GREB1: variants seen among roughly 807,000 people sequenced by gnomAD.
GREB1 encodes the protein growth regulating estrogen receptor binding 1.
In GREB1, 106 loss-of-function variants were observed where a neutral mutation model predicts 200.7. That is an observed-to-expected ratio of 0.53 (90% confidence interval 0.45 to 0.62). GREB1 has a LOEUF of 0.62. Ranked by LOEUF, GREB1 falls within the 20% of genes least tolerant of loss-of-function variation. The pLI, the probability that GREB1 is intolerant of heterozygous loss-of-function variation, is 0.00. For synonymous variants in GREB1, 1,132 were observed against 1,092.4 expected (o/e 1.04, Z -0.72); for missense variants, 2,243 against 2,556.8 (o/e 0.88, Z 2.65).
intron 23 of GREB1, among the ~76,000 whole-genome samples, chr2:11,621,629 T>C (rs1372885725): frequency 6.6e-6 from 1 of 152,196 alleles, no homozygotes; most frequent in Non-Finnish European, 1.5e-5. Flanking sequence ...GCTCATAAAC[T>C]TGGTCTGGTC....
At chr2:11,526,486 G>T (rs1673880568) in intron 1 of GREB1, among the ~76,000 whole-genome samples, 1 of 151,546 alleles carries the variant, frequency 6.6e-6, no homozygotes, top group African/African-American at 2.4e-5. Context: ...TACTAATTGT[G>T]ATCTTATTCT....
intron 1 of GREB1, among the ~76,000 whole-genome samples, chr2:11,505,339 G>A (rs1482518266): frequency 6.6e-6 from 1 of 151,990 alleles, no homozygotes; most frequent in Non-Finnish European, 1.5e-5. Flanking sequence ...TCTCCTAATG[G>A]CTCTGCATGC....
chr2:11,585,243 C>T lies in GREB1; in HGVS notation c.984C>T (p.Cys328=). ...CTCCATCAGCTCCAGATGGTGGCTGCCCCCAAGGTGGTGGGAACAGAGCTA... is the reference window on the plus strand; with the variant it reads ...CTCCATCAGCTCCAGATGGTGGCTGTCCCCAAGGTGGTGGGAACAGAGCTA... ...PESPSAPDGG[C]PQGGGNRAKY... Residue 328 remains cysteine (C), a synonymous_variant, in exon 8 of 33, where the codon TGC becomes TGT. Transcript: ENST00000381486. The T allele has an allele frequency of 1.3e-6, 2 of 1,570,074 alleles. No individual in the cohort carries two copies. The highest frequency in any genetic ancestry group is 1.7e-4 in the Middle Eastern group (1 of 5,870).
chr2:11,627,146 C>T (rs1684530362), intron 25 of GREB1, 42 bp downstream of exon 25: 16 of 1,527,128 alleles, frequency 1.0e-5, no homozygotes, highest in South Asian at 1.3e-5. Flanking sequence ...CACCTTGGCT[C>T]ACATTGTCCG....
chr2:11,562,696 C>G, intron 3 of GREB1, 114 bp downstream of exon 3: 1 of 1,271,534 alleles, frequency 7.9e-7, no homozygotes, highest in Non-Finnish European at 1.1e-6. Flanking sequence ...TTTGCTCTTC[C>G]TCTTTGCTTT....
At chr2:11,593,533 C>G (rs971423410) in intron 11 of GREB1, among the ~76,000 whole-genome samples, 2 of 152,228 alleles carry the variant, frequency 1.3e-5, no homozygotes, top group African/African-American at 4.8e-5. Flanking sequence ...GTTGCCCAGG[C>G]TGGAGTGCAG....
intron 13 of GREB1, among the ~76,000 whole-genome samples, chr2:11,596,850 C>G (rs1681305579): frequency 1.0e-5 from 1 of 100,060 alleles, no homozygotes; most frequent in Non-Finnish European, 1.9e-5. Context: ...GGCAGGGTCA[C>G]TGGTGTGTAC....
intron 11 of GREB1, among the ~76,000 whole-genome samples, chr2:11,594,898 G>C (rs1265929771): frequency 6.6e-6 from 1 of 151,604 alleles, no homozygotes; most frequent in Non-Finnish European, 1.5e-5. Context: ...GTTTCACCGT[G>C]TTAGCCAGGA....
intron 1 of GREB1, among the ~76,000 whole-genome samples, chr2:11,484,546 C>T (rs1454909879): frequency 7.3e-6 from 1 of 137,402 alleles, no homozygotes; most frequent in African/African-American, 2.8e-5. Flanking sequence ...GCCAAGAGTT[C>T]GAGACCAGCC....
chr2:11,562,425 G>T, intron 2 of GREB1, 38 bp from the exon 3 acceptor site: 1 of 1,608,920 alleles, frequency 6.2e-7, no homozygotes, highest in Non-Finnish European at 8.5e-7. Flanking sequence ...AGGCCAGACA[G>T]CAGCTGCCTT....
chr2:11,621,273 G>A (rs1207658532), intron 23 of GREB1, among the ~76,000 whole-genome samples: 1 of 152,160 alleles, frequency 6.6e-6, no homozygotes, highest in African/African-American at 2.4e-5. Flanking sequence ...CTTTGCACAA[G>A]TTACCATGTC....
Position 11,618,198 on chromosome 2 carries a change from GTGA to G in GREB1, c.3413-89_3413-87del, listed in dbSNP as rs1558643905. ...CTGGGACAGGTCACTCCTGGGATGG[GTGA>G]CTCCTGGGACAGGTCACTCCTGGGA... On this transcript the variant is annotated intron_variant, in intron 21 of 32. Coordinates refer to ENST00000381486, the MANE Select transcript of GREB1 (RefSeq NM_014668.4). 19 of 1,192,318 alleles carry G rather than the reference GTGA, an allele frequency of 1.6e-5. No individual in the cohort carries two copies. The East Asian group carries it at 1.6e-4, about 10-fold the overall frequency. The allele number at this position is 1,192,318 out of a possible 1,614,324, so 73.9% of individuals were successfully genotyped here.
intron 1 of GREB1, among the ~76,000 whole-genome samples, chr2:11,547,518 A>G (rs1430482054): frequency 6.6e-6 from 1 of 152,150 alleles, no homozygotes; most frequent in African/African-American, 2.4e-5. Context: ...TTCTACTGAG[A>G]TTCCTTATAA....
chr2:11,576,389 G>A lies in GREB1; in HGVS notation c.491G>A (p.Gly164Asp). 2 of 1,613,882 alleles carry A rather than the reference G, an allele frequency of 1.2e-6. No homozygotes were observed. The highest frequency in any genetic ancestry group is 1.7e-6 in the Non-Finnish European group (2 of 1,179,914). Residue 164 changes from glycine to aspartate, a missense_variant, in exon 5 of 33, where the codon GGC (glycine) becomes GAC (aspartate). Gly to Asp is a moderately conservative substitution (Grantham distance 94). Coordinates refer to ENST00000381486, the MANE Select transcript of GREB1 (RefSeq NM_014668.4). The part of the protein sequence containing the change: ...SGNCVGCGKK[G>D]FCYFTEFSNH... ...AATTGTGTTGGCTGTGGAAAGAAAG[G>A]CTTCTGTTACTTCACGGAATTCTCC...
intron 1 of GREB1, among the ~76,000 whole-genome samples, chr2:11,525,496 C>CAAA (rs764748651): frequency 0.016 from 817 of 49,972 alleles, 13 homozygotes; most frequent in African/African-American, 0.049. Context: ...GACTCCATCT[C>CAAA]AAAAAAAAAA....
At chr2:11,595,495 C>T in intron 12 of GREB1, 116 bp downstream of exon 12, 1 of 993,340 alleles carries the variant, frequency 1.0e-6, no homozygotes, top group South Asian at 1.6e-5. Flanking sequence ...GCCTCCACTG[C>T]AGAGTGCCCC....
rs1682872227 is a variant in GREB1 at position 11,611,018 on chromosome 2, G to T, written c.2997G>T (p.Lys999Asn). ...TCACCGTGGGGAAGCACTTCGTAAA[G>T]CAGCTCAGGGTAGGTGCTGTGCGCA... ...SGVTVGKHFV[K>N]QLRMWQKIED... is the part of the protein sequence containing the mutation. The change falls in exon 18 of 33, where the codon AAG becomes AAT. Residue 999 changes from lysine to asparagine, a missense_variant. By Grantham distance (94) the Lys-to-Asn change is moderately conservative. This residue lies in a region of GREB1 where 1,178 missense variants were observed against 1,387.4 expected (regional missense o/e 0.85). Coordinates refer to ENST00000381486, the MANE Select transcript of GREB1 (RefSeq NM_014668.4). 6.3e-7 allele frequency: 1 copy of T among 1,586,216 alleles called. No homozygotes were observed. The highest frequency in any genetic ancestry group is 1.1e-5 in the South Asian group (1 of 87,426).
chr2:11,596,155 C>G lies in GREB1; in HGVS notation c.1870C>G (p.Gln624Glu). Residue 624 changes from glutamine to glutamate, a missense_variant, in exon 13 of 33, where the codon CAA (glutamine) becomes GAA (glutamate). Gln to Glu is a conservative substitution (Grantham distance 29). Around this residue, in one of 3 missense-constraint regions of GREB1, gnomAD observed 1,178 missense variants for 1,387.4 expected, o/e 0.85. Coordinates refer to ENST00000381486, the MANE Select transcript of GREB1 (RefSeq NM_014668.4). The stretch of plus-strand genomic sequence containing the variant: ...GCTGGACAAATTTCACCAGGAAAAT[C>G]AAGGCCATATTTCTTCCTCACTCGC... ...ILLDKFHQEN[Q>E]GHISSSLAAS... 1.2e-6 allele frequency: 2 copies of G among 1,613,524 alleles called. No individual in the cohort carries two copies. Among genetic ancestry groups the G allele is most frequent in the Non-Finnish European group, 1.7e-6 (2 of 1,179,450 alleles).
chr2:11,531,982 T>TA (rs1674089907), upstream of GREB1, among the ~76,000 whole-genome samples: 1 of 152,248 alleles, frequency 6.6e-6, no homozygotes, highest in East Asian at 1.9e-4. Context: ...ATGTGAATGA[T>TA]ACCGCTTTCT....
Sources: allele counts gnomAD v4.1 joint callset (sites outside exome capture counted in the v4.1 genomes callset), GRCh38; gene constraint gnomAD v4.1.1; regional missense constraint gnomAD v4.1.1; transcripts MANE v1.5; gene names NCBI Gene and HGNC (gene_info 2026-07-23, HGNC 2026-07-21).